Variants in ZRANB3 observed in about 807,000 individuals in gnomAD.
The protein encoded by ZRANB3 is zinc finger RANBP2-type containing 3.
A neutral mutation model predicts 133.8 loss-of-function variants in ZRANB3; 125 were observed. The ratio of observed to expected loss-of-function variants is 0.93; its 90% CI spans 0.81 to 1.08. ZRANB3 has a LOEUF of 1.08. ZRANB3 is among the 50% of genes least tolerant of loss of function. ZRANB3 has a pLI of 0.00. For missense variants in ZRANB3, 1,229 were observed against 1,275.5 expected (o/e 0.96, Z 0.56); for synonymous variants, 387 against 432.7 (o/e 0.89, Z 1.31).
At position 135,416,838 on chromosome 2, in the gene ZRANB3, C is replaced by G. The variant is rs370648081; in HGVS notation, c.162-26018G>C. Among the ~76,000 whole-genome samples, 41 of 152,150 alleles carry G rather than the reference C, an allele frequency of 2.7e-4. No homozygotes were observed. The South Asian group carries it at 4.4e-3, about 16-fold the overall frequency. On this transcript the variant is annotated intron_variant, in intron 2 of 20. Transcript: ENST00000264159. ...CAACTATCTGATCTTTGACAAACCT[C>G]AGAAAAACAAGCAATGGGGAAAGGA...
intron 2 of ZRANB3, among the ~76,000 whole-genome samples, chr2:135,472,580 T>G (rs998789757): frequency 2.0e-5 from 3 of 152,090 alleles, no homozygotes; most frequent in Admixed American, 6.6e-5. Context: ...ACTATTTGAC[T>G]TTTTTCCCCC....
At chr2:135,275,795 T>C (rs779239285) in intron 8 of ZRANB3, 40 bp from the exon 9 acceptor site, 8 of 1,422,898 alleles carry the variant, frequency 5.6e-6, no homozygotes, top group Non-Finnish European at 7.5e-6. Context: ...GTCATAAAAA[T>C]GATTATTTAA....
chr2:135,221,294 G>C (rs1277774338), intron 15 of ZRANB3, among the ~76,000 whole-genome samples: 3 of 152,138 alleles, frequency 2.0e-5, no homozygotes, highest in African/African-American at 7.2e-5. Flanking sequence ...TTATGGTAAA[G>C]GGACATGTAA....
At chr2:135,318,776 G>A (rs1683378911) in intron 6 of ZRANB3, among the ~76,000 whole-genome samples, 1 of 151,948 alleles carries the variant, frequency 6.6e-6, no homozygotes, top group Non-Finnish European at 1.5e-5. Context: ...AAAATTCAAT[G>A]ACGTAAAAAG....
chr2:135,476,599 A>G (rs1691507640), intron 2 of ZRANB3, among the ~76,000 whole-genome samples: 1 of 152,172 alleles, frequency 6.6e-6, no homozygotes, highest in Non-Finnish European at 1.5e-5. Flanking sequence ...CATTTTCTTA[A>G]TGGTACTAAA....
intron 6 of ZRANB3, among the ~76,000 whole-genome samples, chr2:135,322,533 T>C (rs932468343): frequency 1.8e-4 from 27 of 151,324 alleles, no homozygotes; most frequent in African/African-American, 5.6e-4. Context: ...CTGGGCAACA[T>C]AGCAAGACCC....
chr2:135,351,208 T>C (rs1401187230), intron 4 of ZRANB3, among the ~76,000 whole-genome samples: 1 of 151,838 alleles, frequency 6.6e-6, no homozygotes, highest in Non-Finnish European at 1.5e-5. Flanking sequence ...AGAACCACTA[T>C]GGCTACTGCA....
intron 1 of ZRANB3, among the ~76,000 whole-genome samples, chr2:135,520,080 TTC>T (rs1175204651): frequency 7.6e-6 from 1 of 132,240 alleles, no homozygotes; most frequent in Non-Finnish European, 1.5e-5. Flanking sequence ...TCCACTTAAA[TTC>T]TTTTTTTTTT....
At chr2:135,400,597 C>A (rs1282955148) in intron 2 of ZRANB3, among the ~76,000 whole-genome samples, 2 of 152,196 alleles carry the variant, frequency 1.3e-5, no homozygotes, top group African/African-American at 4.8e-5. Flanking sequence ...ATGTATCAAA[C>A]TAAAGTCATA....
At chr2:135,451,447 A>T (rs1269844812) in intron 2 of ZRANB3, among the ~76,000 whole-genome samples, 1 of 152,076 alleles carries the variant, frequency 6.6e-6, no homozygotes, top group Non-Finnish European at 1.5e-5. Context: ...CTGTAATCCC[A>T]GCTACTTGGG....
intron 2 of ZRANB3, among the ~76,000 whole-genome samples, chr2:135,473,547 A>T (rs571561978): frequency 7.5e-6 from 1 of 132,810 alleles, no homozygotes; most frequent in Admixed American, 7.3e-5. Flanking sequence ...GTAATATGCT[A>T]AAAAAAAAAA....
At chr2:135,200,753 G>GTTTTTTTTTTTTTTTTTTTTTTTTTT (rs373759295) in intron 20 of ZRANB3, among the ~76,000 whole-genome samples, 1 of 126,442 alleles carries the variant, frequency 7.9e-6, no homozygotes, top group African/African-American at 2.9e-5. Flanking sequence ...CAAGTGGGAG[G>GTTTTTTTTTTTTTTTTTTTTTTTTTT]TTTTTTTTTT....
chr2:135,520,035 T>C (rs1389128498), intron 1 of ZRANB3, among the ~76,000 whole-genome samples: 1 of 151,924 alleles, frequency 6.6e-6, no homozygotes, highest in Non-Finnish European at 1.5e-5. Flanking sequence ...ACCGGACCTA[T>C]CAGTAATCAC....
intron 1 of ZRANB3, among the ~76,000 whole-genome samples, chr2:135,517,947 T>C (rs1283812771): frequency 6.6e-6 from 1 of 152,172 alleles, no homozygotes; most frequent in African/African-American, 2.4e-5. Flanking sequence ...CTTTTGGAGA[T>C]GCCCTGCTCA....
intron 2 of ZRANB3, among the ~76,000 whole-genome samples, chr2:135,492,648 T>C (rs1692442381): frequency 6.6e-6 from 1 of 152,116 alleles, no homozygotes; most frequent in African/African-American, 2.4e-5. Context: ...TAATTTACAA[T>C]GTTCAATGAA....
At chr2:135,410,151 G>C (rs1169846282) in intron 2 of ZRANB3, among the ~76,000 whole-genome samples, 2 of 151,998 alleles carry the variant, frequency 1.3e-5, no homozygotes, top group Non-Finnish European at 2.9e-5. Context: ...AAATTCATAT[G>C]AAACAAAAAA....
chr2:135,391,426 C>T (rs1308222123), intron 2 of ZRANB3, among the ~76,000 whole-genome samples: 1 of 152,134 alleles, frequency 6.6e-6, no homozygotes, highest in Non-Finnish European at 1.5e-5. Flanking sequence ...CCAATGACCA[C>T]CCTCCTCATC....
intron 2 of ZRANB3, among the ~76,000 whole-genome samples, chr2:135,416,969 T>C (rs1688607246): frequency 1.3e-5 from 2 of 152,148 alleles, no homozygotes; most frequent in African/African-American, 4.8e-5. Flanking sequence ...CAAGATGGAT[T>C]AAAGACTTAC....
At chr2:135,508,417 G>A (rs959243956) in intron 1 of ZRANB3, among the ~76,000 whole-genome samples, 3 of 152,150 alleles carry the variant, frequency 2.0e-5, no homozygotes, top group African/African-American at 4.8e-5. Flanking sequence ...GATTACAGGC[G>A]TGAGCCACCG....
Sources: gnomAD v4.1 joint callset for allele counts (sites outside exome capture counted in the v4.1 genomes callset) on GRCh38, gnomAD v4.1.1 for gene constraint, MANE v1.5 for transcripts, NCBI Gene and HGNC (gene_info 2026-07-23, HGNC 2026-07-21) for gene names.